ZNF527: variants seen among roughly 807,000 people sequenced by gnomAD.
The protein encoded by ZNF527 is zinc finger protein 527.
ZNF527 carries 5 observed loss-of-function variants against 13.5 expected under a neutral mutation model. The ratio of observed to expected loss-of-function variants is 0.37; its 90% CI spans 0.19 to 0.78. ZNF527 has a LOEUF of 0.78. ZNF527 is among the 30% of genes least tolerant of loss of function. The probability of loss-of-function intolerance (pLI) is 0.48; values close to 1 mark genes in which losing one functional copy is unlikely to be tolerated. For missense variants in ZNF527, 628 were observed against 726.4 expected, an observed-to-expected ratio of 0.86 and a Z score of 1.56; for synonymous variants, 209 against 243.1, an observed-to-expected ratio of 0.86 and a Z score of 1.30.
chr19:37,375,286 C>CTTTCTTTCTTTCTTTCTTTCTTTCT (rs1568691367), intron 2 of ZNF527, among the ~76,000 whole-genome samples: 1 of 122,594 alleles, frequency 8.2e-6, no homozygotes, highest in South Asian at 2.7e-4. Context: ...TTCTTTCTTT[C>CTTTCTTTCTTTCTTTCTTTCTTTCT]TTTCTTTCTT....
chr19:37,373,704 C>T (rs2146802946), intron 1 of ZNF527, among the ~76,000 whole-genome samples: 1 of 152,268 alleles, frequency 6.6e-6, no homozygotes, highest in East Asian at 1.9e-4. Context: ...GATGAAGGGA[C>T]ACCTGAATGC....
chr19:37,373,568 A>G (rs2040576045), intron 1 of ZNF527, among the ~76,000 whole-genome samples: 1 of 152,218 alleles, frequency 6.6e-6, no homozygotes, highest in Non-Finnish European at 1.5e-5. Flanking sequence ...AACAATAAAG[A>G]AACAAAGCAG....
rs562044532 is a variant in ZNF527, at chr19:37,392,234, G to A, written c.*2355G>A. 8 of 151,646 alleles carry A rather than the reference G, an allele frequency of 5.3e-5. No homozygotes were observed. Among genetic ancestry groups the A allele is most frequent in the Admixed American group, 6.6e-5 (1 of 15,214 alleles). 9.4% of individuals were successfully genotyped at this position (151,646 alleles called of 1,614,324 possible). A position where few individuals can be genotyped will look rare whatever the true frequency, so the allele number is the denominator to read the frequency against. On this transcript the variant is annotated 3_prime_UTR_variant, in exon 5 of 5. Transcript: ENST00000436120. ...TCTTTATTTTTTATTATATTTCCTG[G>A]AGGTATAAGGATATTTATTTTTATA...
At position 37,379,233 on chromosome 19, in the gene ZNF527, C is replaced by T. The variant is rs772141670; in HGVS notation, c.147C>T (p.Asn49=). The T allele has an allele frequency of 1.3e-6, 2 of 1,594,306 alleles. No individual in the cohort carries two copies. The highest frequency in any genetic ancestry group is 3.7e-5 in the Admixed American group (2 of 54,520). Reference sequence around the variant, plus strand: ...ATGTCATGTTGGAGAACTACAGGAACTTGGTATGGCTTGGTAAGGATGTTT... The same window carrying T: ...ATGTCATGTTGGAGAACTACAGGAATTTGGTATGGCTTGGTAAGGATGTTT... ...YRDVMLENYR[N]LVWLGLSISK... Residue 49 remains asparagine (N), a synonymous_variant, in exon 3 of 5, where the codon AAC becomes AAT. Transcript: ENST00000436120.
intron 4 of ZNF527, 34 bp from the exon 5 acceptor site, chr19:37,388,272 C>G: frequency 6.3e-7 from 1 of 1,594,248 alleles, no homozygotes. Context: ...AGCAAAAGAA[C>G]AAAGGAGACA....
Position 37,389,531 on chromosome 19 carries a change from A to G in ZNF527, c.1482A>G (p.Gly494=). 1 of 1,614,206 alleles carries G rather than the reference A, an allele frequency of 6.2e-7. No individual in the cohort carries two copies. Among genetic ancestry groups the G allele is most frequent in the African/African-American group, 1.3e-5 (1 of 75,058 alleles). The change falls in exon 5 of 5, where the codon GGA becomes GGG. Residue 494 remains glycine, a synonymous_variant. Coordinates refer to ENST00000436120, the MANE Select transcript of ZNF527 (RefSeq NM_032453.2). ...ATCGACATCATAGAATTCACACTGG[A>G]GAGAGACCATTTGAATGCAGTAAAT... ...QLNRHHRIHT[G]ERPFECSKCG... is the part of the protein sequence containing the mutation.
chr19:37,382,544 G>A (rs115303918), intron 4 of ZNF527, among the ~76,000 whole-genome samples: 2,635 of 152,034 alleles, frequency 0.017, 97 homozygotes, highest in African/African-American at 0.06. Context: ...TTCAATTTTA[G>A]TATACACATA....
rs765295556 is a variant in ZNF527, at chr19:37,390,060, G to A, written c.*181G>A. On this transcript the variant is annotated 3_prime_UTR_variant, in exon 5 of 5. Coordinates refer to ENST00000436120, the MANE Select transcript of ZNF527 (RefSeq NM_032453.2). ...TTTTTTTTTTTTCAGACAGAGTCTC[G>A]CTCTGTTGCCCAGGCTGGAGTGCAG... 22 of 691,696 alleles carry A rather than the reference G, an allele frequency of 3.2e-5. No individual in the cohort carries two copies. The highest frequency in any genetic ancestry group is 6.9e-5 in the South Asian group (3 of 43,238). 42.8% of individuals were successfully genotyped at this position (691,696 alleles called of 1,614,324 possible).
rs200425111 is a variant in ZNF527, at chr19:37,372,464, TTTC to T, written c.-42+1241_-42+1243del. Reference sequence around the variant, plus strand: ...GTCCCTTTCTTTTCTTTTCTTTTCTTTTCTTTTTTTTTTTTTTTTTTTTTTTGA... The same window carrying T: ...GTCCCTTTCTTTTCTTTTCTTTTCTTTTTTTTTTTTTTTTTTTTTTTTTGA... On this transcript the variant is annotated intron_variant, in intron 1 of 4. Coordinates refer to ENST00000436120, the MANE Select transcript of ZNF527 (RefSeq NM_032453.2). Among the ~76,000 whole-genome samples, 890 of 98,384 alleles carry T rather than the reference TTTC, an allele frequency of 9.0e-3. 18 individuals are homozygous for T. Among genetic ancestry groups the T allele is most frequent in the African/African-American group, 0.035 (649 of 18,388 alleles). The allele number at this position is 98,384 out of a possible 152,430, so 64.5% of individuals were successfully genotyped here. A position where few individuals can be genotyped will look rare whatever the true frequency, so the allele number is the denominator to read the frequency against.
chr19:37,382,269 A>G (rs1412497492), intron 4 of ZNF527, among the ~76,000 whole-genome samples: 2 of 142,300 alleles, frequency 1.4e-5, no homozygotes, highest in Non-Finnish European at 3.0e-5. Context: ...AAGCTAGGAA[A>G]CAGATAGATA....
chr19:37,371,546 C>T (rs543482339), intron 1 of ZNF527, among the ~76,000 whole-genome samples: 23 of 152,192 alleles, frequency 1.5e-4, no homozygotes, highest in Non-Finnish European at 1.6e-4. Context: ...TGGGGTGTGA[C>T]ATTGTGTGTT....
rs767779543 is a variant in ZNF527, at chr19:37,388,452, G to A, written c.403G>A (p.Glu135Lys). 94 of 1,614,034 alleles carry A rather than the reference G, an allele frequency of 5.8e-5. 3 individuals carry two copies. The South Asian group carries it at 1.0e-3, about 18-fold the overall frequency. Residue 135 changes from glutamate to lysine, a missense_variant, in exon 5 of 5, where the codon GAA (glutamate) becomes AAA (lysine). Physicochemically the swap from Glu to Lys is moderately conservative, Grantham distance 56. Coordinates refer to ENST00000436120, the MANE Select transcript of ZNF527 (RefSeq NM_032453.2). ...SFREAWKYKG[E>K]FELHQGNAER... ...CAGAGAAGCCTGGAAATATAAGGGT[G>A]AATTTGAGCTACATCAGGGAAATGC...
rs2040552674 is a variant in ZNF527 at position 37,371,157 on chromosome 19, G to A, written c.-111G>A. The A allele has an allele frequency of 6.5e-6, 1 of 152,702 alleles. No individual in the cohort carries two copies. The highest frequency in any genetic ancestry group is 2.4e-5 in the African/African-American group (1 of 41,466). The allele number at this position is 152,702 out of a possible 1,614,324, so 9.5% of individuals were successfully genotyped here. On this transcript the variant is annotated 5_prime_UTR_variant, in exon 1 of 5. Coordinates refer to ENST00000436120, the MANE Select transcript of ZNF527 (RefSeq NM_032453.2). ...AGTCCTCGCCTCGCTCCTCCTCGCGGAGGATTCTGGGAGGTGACGTCGCGG... is the reference window on the plus strand; with the variant it reads ...AGTCCTCGCCTCGCTCCTCCTCGCGAAGGATTCTGGGAGGTGACGTCGCGG...
chr19:37,378,985 C>T, intron 2 of ZNF527, 135 bp from the exon 3 acceptor site: 1 of 918,620 alleles, frequency 1.1e-6, no homozygotes, highest in Non-Finnish European at 1.6e-6. Context: ...TTTGACAAAC[C>T]TCAGCATGTA....
At chr19:37,372,955 C>T (rs768278881) in intron 1 of ZNF527, among the ~76,000 whole-genome samples, 1 of 152,134 alleles carries the variant, frequency 6.6e-6, no homozygotes, top group Admixed American at 6.5e-5. Context: ...GAATATATGG[C>T]ATTGATTACT....
chr19:37,371,433 G>T (rs555140900), intron 1 of ZNF527, among the ~76,000 whole-genome samples: 2 of 152,322 alleles, frequency 1.3e-5, no homozygotes, highest in Admixed American at 6.5e-5. Context: ...GCGCCCGCTT[G>T]TGTGTGACTG....
chr19:37,385,233 G>T, intron 4 of ZNF527: 1 of 448,820 alleles, frequency 2.2e-6, no homozygotes, highest in South Asian at 6.4e-5. Context: ...ATTGTCCCTT[G>T]CCTTTTGACT....
intron 2 of ZNF527, among the ~76,000 whole-genome samples, chr19:37,378,167 A>G (rs1455623771): frequency 2.6e-5 from 4 of 151,894 alleles, no homozygotes; most frequent in African/African-American, 9.7e-5. Flanking sequence ...AGTTGGGACT[A>G]CAGGCACATA....
rs1406181329 is a variant in ZNF527, at chr19:37,393,001, C to A, written c.*3122C>A. 1 of 152,026 alleles carries A rather than the reference C, an allele frequency of 6.6e-6. No homozygotes were observed. Among genetic ancestry groups the A allele is most frequent in the Admixed American group, 6.6e-5 (1 of 15,250 alleles). 9.4% of individuals were successfully genotyped at this position (152,026 alleles called of 1,614,324 possible). A position where few individuals can be genotyped will look rare whatever the true frequency, so the allele number is the denominator to read the frequency against. ...TGTTATTAGGACCATCTAGAGATTTCTGTTTATGTGTGTGTATGTGCATCT... is the reference window on the plus strand; with the variant it reads ...TGTTATTAGGACCATCTAGAGATTTATGTTTATGTGTGTGTATGTGCATCT... On this transcript the variant is annotated 3_prime_UTR_variant, in exon 5 of 5. Coordinates refer to ENST00000436120, the MANE Select transcript of ZNF527 (RefSeq NM_032453.2).
Sources: gnomAD v4.1 joint callset for allele counts (sites outside exome capture counted in the v4.1 genomes callset) on GRCh38, gnomAD v4.1.1 for gene constraint, MANE v1.5 for transcripts, NCBI Gene and HGNC (gene_info 2026-07-23, HGNC 2026-07-21) for gene names.